Variants in ADARB2 observed in about 807,000 individuals in gnomAD.
ADARB2 encodes adenosine deaminase RNA specific B2 (inactive), also known as inactive double-stranded RNA-specific editase B2.
A neutral mutation model predicts 62.2 loss-of-function variants in ADARB2; 25 were observed. The observed-to-expected ratio is 0.40, with a 90% CI of 0.29 to 0.56. The LOEUF (loss-of-function observed/expected upper bound fraction) is 0.56, where lower values mean the gene tolerates loss of function less well. Among genes scored for constraint, ADARB2 ranks in the 20% least tolerant of loss-of-function variants. The pLI is 0.43. For synonymous variants in ADARB2, 572 were observed against 500.8 expected (o/e 1.14, Z -1.90); for missense variants, 1,071 against 1,077.4 (o/e 0.99, Z 0.08).
chr10:1,485,587 G>A (rs1017679872), intron 1 of ADARB2, among the ~76,000 whole-genome samples: 2 of 152,190 alleles, frequency 1.3e-5, no homozygotes, highest in Admixed American at 1.3e-4. Flanking sequence ...CCCAGGTCTC[G>A]TCAGCATAGT....
chr10:1,637,956 G>C (rs1833935686), intron 1 of ADARB2, among the ~76,000 whole-genome samples: 1 of 152,222 alleles, frequency 6.6e-6, no homozygotes, highest in Non-Finnish European at 1.5e-5. Context: ...TTTTATGTGA[G>C]AATGAACAGT....
intron 1 of ADARB2, among the ~76,000 whole-genome samples, chr10:1,451,383 C>A (rs376230102): frequency 7.2e-5 from 11 of 152,208 alleles, no homozygotes; most frequent in Admixed American, 6.5e-4. Flanking sequence ...GCGGTGCTGC[C>A]CTGACACCTG....
At chr10:1,596,998 T>C (rs1833344661) in intron 1 of ADARB2, among the ~76,000 whole-genome samples, 1 of 152,094 alleles carries the variant, frequency 6.6e-6, no homozygotes, top group African/African-American at 2.4e-5. Context: ...AAAGGGAAAG[T>C]GAGCCTCCTG....
chr10:1,633,999 G>A (rs763593744), intron 1 of ADARB2, among the ~76,000 whole-genome samples: 10 of 152,134 alleles, frequency 6.6e-5, no homozygotes, highest in Non-Finnish European at 1.3e-4. Flanking sequence ...AGAGCTCCTC[G>A]TCTCCACCCT....
intron 1 of ADARB2, among the ~76,000 whole-genome samples, chr10:1,487,349 CCA>C (rs138840057): frequency 6.6e-6 from 1 of 152,224 alleles, no homozygotes; most frequent in Non-Finnish European, 1.5e-5. Flanking sequence ...TAAACATTCT[CCA>C]CACACACACT....
intron 1 of ADARB2, among the ~76,000 whole-genome samples, chr10:1,734,701 A>C (rs1207006120): frequency 6.6e-6 from 1 of 152,224 alleles, no homozygotes; most frequent in African/African-American, 2.4e-5. Context: ...TGCTTCTGTC[A>C]GTGTCTTCAG....
intron 1 of ADARB2, among the ~76,000 whole-genome samples, chr10:1,674,630 C>T (rs1004909130): frequency 6.6e-5 from 10 of 152,122 alleles, no homozygotes; most frequent in Non-Finnish European, 1.3e-4. Flanking sequence ...TCACAGGGTC[C>T]GGTTTTGATT....
chr10:1,343,015 T>G (rs998212287), intron 3 of ADARB2, among the ~76,000 whole-genome samples: 5 of 152,142 alleles, frequency 3.3e-5, no homozygotes, highest in African/African-American at 1.2e-4. Context: ...CAGGGTGTGG[T>G]CATGACCTGC....
In ADARB2 at chr10:1,233,607, C is replaced by G. The variant is rs111825422; in HGVS notation, c.1513+87G>C. ...AGGGCCCCACACACCGCGCCCCTGC[C>G]CTGGGCTGTGAAAGCCCAGGACAGA... is the stretch of plus-strand genomic sequence containing the variant. On this transcript the variant is annotated intron_variant, in intron 6 of 9. Coordinates refer to ENST00000381312, the MANE Select transcript of ADARB2 (RefSeq NM_018702.4). The G allele has an allele frequency of 2.8e-6, 4 of 1,425,482 alleles. No homozygotes were observed. The Admixed American group carries it at 1.0e-4, about 36-fold the overall frequency. The allele number at this position is 1,425,482 out of a possible 1,614,324, so 88.3% of individuals were successfully genotyped here.
intron 3 of ADARB2, among the ~76,000 whole-genome samples, chr10:1,286,373 G>A (rs1031918833): frequency 6.6e-6 from 1 of 152,198 alleles, no homozygotes; most frequent in Non-Finnish European, 1.5e-5. Flanking sequence ...TCTATGTCAT[G>A]TAATGAGCCC....
intron 4 of ADARB2, among the ~76,000 whole-genome samples, chr10:1,244,641 C>T (rs910922491): frequency 6.6e-6 from 1 of 152,224 alleles, no homozygotes; most frequent in Admixed American, 6.5e-5. Context: ...AGACGCGAAG[C>T]CTGGACCGAG....
At chr10:1,357,597 G>A (rs768169183) in intron 3 of ADARB2, among the ~76,000 whole-genome samples, 4 of 152,170 alleles carry the variant, frequency 2.6e-5, no homozygotes, top group Non-Finnish European at 5.9e-5. Context: ...CTTGCAAGGA[G>A]CCTGCAGACC....
At chr10:1,705,236 G>A (rs1834873698) in intron 1 of ADARB2, among the ~76,000 whole-genome samples, 1 of 152,222 alleles carries the variant, frequency 6.6e-6, no homozygotes, top group Non-Finnish European at 1.5e-5. Context: ...ATGGGCCAAG[G>A]CGGCTGTGCT....
chr10:1,487,533 C>T (rs1199080206), intron 1 of ADARB2, among the ~76,000 whole-genome samples: 2 of 152,116 alleles, frequency 1.3e-5, no homozygotes, highest in African/African-American at 2.4e-5. Flanking sequence ...GTGGGCGAAG[C>T]TATAGCCTCA....
chr10:1,333,976 T>C (rs776358637), intron 3 of ADARB2, among the ~76,000 whole-genome samples: 1 of 152,196 alleles, frequency 6.6e-6, no homozygotes, highest in Non-Finnish European at 1.5e-5. Context: ...CGTAGCCCCA[T>C]TATAGAAATG....
intron 3 of ADARB2, among the ~76,000 whole-genome samples, chr10:1,279,945 G>A (rs1334744826): frequency 6.6e-6 from 1 of 152,206 alleles, no homozygotes; most frequent in Non-Finnish European, 1.5e-5. Flanking sequence ...ACACCTTAGT[G>A]CTGATGCTGG....
chr10:1,328,224 C>T (rs906368908), intron 3 of ADARB2, among the ~76,000 whole-genome samples: 12 of 152,184 alleles, frequency 7.9e-5, no homozygotes, highest in Admixed American at 5.2e-4. Flanking sequence ...TGTGGCGGCA[C>T]AGGGACCCCT....
At chr10:1,287,431 ACATTAT>A (rs1254643550) in intron 3 of ADARB2, among the ~76,000 whole-genome samples, 1 of 152,196 alleles carries the variant, frequency 6.6e-6, no homozygotes, top group Non-Finnish European at 1.5e-5. Context: ...AATACATGAT[ACATTAT>A]CATTAACTAT....
chr10:1,569,437 G>A (rs955757913), intron 1 of ADARB2, among the ~76,000 whole-genome samples: 5 of 152,238 alleles, frequency 3.3e-5, no homozygotes, highest in African/African-American at 1.2e-4. Context: ...AGGATGGGCA[G>A]TTGGGGAGCA....
Sources: allele counts gnomAD v4.1 joint callset (sites outside exome capture counted in the v4.1 genomes callset), GRCh38; gene constraint gnomAD v4.1.1; transcripts MANE v1.5; gene names NCBI Gene and HGNC (gene_info 2026-07-23, HGNC 2026-07-21).